The following CMKLR2 variants were observed in gnomAD, a reference collection of about 807,000 sequenced individuals.
CMKLR2 encodes chemerin-like receptor 2.
A neutral mutation model predicts 23.0 loss-of-function variants in CMKLR2; 18 were observed. The ratio of observed to expected loss-of-function variants is 0.78; its 90% CI spans 0.54 to 1.16. CMKLR2 has a LOEUF of 1.16. Among genes scored for constraint, CMKLR2 ranks in the 50% most tolerant of loss-of-function variants. CMKLR2 has a pLI of 0.00. For missense variants in CMKLR2, 401 were observed against 412.7 expected (o/e 0.97, Z 0.25); for synonymous variants, 158 against 158.9 (o/e 0.99, Z 0.05).
intron 1 of CMKLR2, among the ~76,000 whole-genome samples, chr2:206,183,157 A>C (rs1688469150): frequency 6.6e-6 from 1 of 152,110 alleles, no homozygotes; most frequent in Non-Finnish European, 1.5e-5. Flanking sequence ...TCCTTACCTT[A>C]CAGGTGCCTA....
intron 1 of CMKLR2, among the ~76,000 whole-genome samples, chr2:206,183,720 A>G (rs1294153219): frequency 1.3e-5 from 2 of 152,150 alleles, no homozygotes; most frequent in African/African-American, 4.8e-5. Context: ...GGTGAGGGGT[A>G]GGGATAGAGT....
At position 206,176,565 on chromosome 2, in the gene CMKLR2, C is replaced by T. The variant is rs1441120973; in HGVS notation, c.683G>A (p.Cys228Tyr). 2 of 1,614,026 alleles carry T rather than the reference C, an allele frequency of 1.2e-6. No individual in the cohort carries two copies. The highest frequency in any genetic ancestry group is 1.7e-5 in the Admixed American group (1 of 59,996). ...PLLTMSICYL[C>Y]LIFKVKKRSI... ...TCGCTTCTTCACCTTGAAGATGAGA[C>T]ACAAGTAGCAAATACTCATTGTTAG... Residue 228 changes from cysteine (C) to tyrosine (Y), a missense_variant, in exon 2 of 2, where the codon TGT becomes TAT. Cys to Tyr is a radical substitution (Grantham distance 194). Coordinates refer to ENST00000621141, the MANE Select transcript of CMKLR2 (RefSeq NM_001389445.1).
At chr2:206,206,327 T>C (rs923557792) in intron 1 of CMKLR2, among the ~76,000 whole-genome samples, 2 of 152,226 alleles carry the variant, frequency 1.3e-5, no homozygotes, top group African/African-American at 4.8e-5. Flanking sequence ...GAGAGTCACA[T>C]TGGGGGACAA....
chr2:206,178,771 C>T (rs1462388397), intron 1 of CMKLR2, among the ~76,000 whole-genome samples: 1 of 151,932 alleles, frequency 6.6e-6, no homozygotes, highest in Non-Finnish European at 1.5e-5. Flanking sequence ...GTTTGAGCCT[C>T]CTGAGTAGTT....
chr2:206,178,162 G>A (rs1688291590), intron 1 of CMKLR2, among the ~76,000 whole-genome samples: 1 of 152,088 alleles, frequency 6.6e-6, no homozygotes, highest in African/African-American at 2.4e-5. Flanking sequence ...CTACTCAGGA[G>A]GCCAAGGCAA....
chr2:206,180,275 G>A (rs1210678907), intron 1 of CMKLR2, among the ~76,000 whole-genome samples: 1 of 151,412 alleles, frequency 6.6e-6, no homozygotes, highest in African/African-American at 2.4e-5. Context: ...AGGATTGCTT[G>A]AGCCTAAGAG....
intron 1 of CMKLR2, among the ~76,000 whole-genome samples, chr2:206,182,977 G>A (rs560599624): frequency 1.2e-4 from 18 of 151,908 alleles, no homozygotes; most frequent in South Asian, 2.1e-4. Flanking sequence ...CCCTTCCTTC[G>A]TGTGTCCTAT....
chr2:206,178,156 T>A (rs1408634364), intron 1 of CMKLR2, among the ~76,000 whole-genome samples: 1 of 152,092 alleles, frequency 6.6e-6, no homozygotes, highest in Non-Finnish European at 1.5e-5. Context: ...TCCCAACTAC[T>A]CAGGAGGCCA....
intron 1 of CMKLR2, among the ~76,000 whole-genome samples, chr2:206,199,171 C>A (rs1275314303): frequency 6.6e-6 from 1 of 152,142 alleles, no homozygotes; most frequent in Non-Finnish European, 1.5e-5. Context: ...CCCAGGTGGG[C>A]AGATTACTTG....
At chr2:206,186,784 C>T (rs1688592905) in intron 1 of CMKLR2, among the ~76,000 whole-genome samples, 2 of 146,426 alleles carry the variant, frequency 1.4e-5, no homozygotes, top group South Asian at 4.3e-4. Flanking sequence ...TAAGACTCTG[C>T]TGCCTTTTTT....
chr2:206,217,884 C>T (rs1015083609), upstream of CMKLR2: 20 of 152,216 alleles, frequency 1.3e-4, no homozygotes, highest in African/African-American at 4.6e-4. Context: ...TGGGCTCTGT[C>T]TGAATCCTTG....
chr2:206,185,603 T>C (rs1688554101), intron 1 of CMKLR2, among the ~76,000 whole-genome samples: 1 of 152,228 alleles, frequency 6.6e-6, no homozygotes, highest in African/African-American at 2.4e-5. Context: ...ATTTTTGTTA[T>C]AGAAAGATCC....
chr2:206,189,539 G>T (rs1688686135), intron 1 of CMKLR2, among the ~76,000 whole-genome samples: 1 of 152,070 alleles, frequency 6.6e-6, no homozygotes, highest in Non-Finnish European at 1.5e-5. Flanking sequence ...GGAGGCTGAG[G>T]GAGGAGAATT....
intron 1 of CMKLR2, among the ~76,000 whole-genome samples, chr2:206,179,984 A>G (rs928881027): frequency 2.0e-5 from 3 of 152,132 alleles, no homozygotes; most frequent in African/African-American, 7.2e-5. Flanking sequence ...GCAGGGCAAA[A>G]AACAGAAGCA....
chr2:206,196,244 A>C (rs574494638), intron 1 of CMKLR2, among the ~76,000 whole-genome samples: 173 of 151,992 alleles, frequency 1.1e-3, no homozygotes, highest in Non-Finnish European at 2.1e-3. Context: ...GCGTGGTGGC[A>C]CACGCCTGTA....
chr2:206,185,658 G>A (rs1452227171), intron 1 of CMKLR2, among the ~76,000 whole-genome samples: 1 of 152,118 alleles, frequency 6.6e-6, no homozygotes, highest in Admixed American at 6.5e-5. Flanking sequence ...ATAATGGTGG[G>A]GCAAACAAGT....
rs759530133 is a variant in CMKLR2, at chr2:206,176,604, T to C, written c.644A>G (p.Tyr215Cys). Residue 215 changes from tyrosine (Y) to cysteine (C), a missense_variant, in exon 2 of 2, where the codon TAT (tyrosine) becomes TGT (cysteine). Transcript: ENST00000621141. ...VLTWVKFIIGYLFPLLTMSIC... is the reference protein window; with the variant it reads ...VLTWVKFIIGCLFPLLTMSIC... ...ACTCATTGTTAGCAAAGGGAAGAGA[T>C]AGCCAATGATAAATTTCACCCAAGT... The C allele has an allele frequency of 1.2e-6, 2 of 1,614,158 alleles. No homozygotes were observed. Among genetic ancestry groups the C allele is most frequent in the Admixed American group, 1.7e-5 (1 of 60,016 alleles).
chr2:206,183,356 A>C (rs1462901529), intron 1 of CMKLR2, among the ~76,000 whole-genome samples: 2 of 152,066 alleles, frequency 1.3e-5, no homozygotes, highest in Non-Finnish European at 2.9e-5. Flanking sequence ...GTCATTATTG[A>C]CCCTGCTGGG....
chr2:206,204,341 G>A (rs1348253248), intron 1 of CMKLR2, among the ~76,000 whole-genome samples: 1 of 127,768 alleles, frequency 7.8e-6, no homozygotes, highest in Non-Finnish European at 1.6e-5. Context: ...GCGACAGAGC[G>A]AGACTCCATC....
Sources: allele counts gnomAD v4.1 joint callset (sites outside exome capture counted in the v4.1 genomes callset), GRCh38; gene constraint gnomAD v4.1.1; transcripts MANE v1.5; gene names NCBI Gene and HGNC (gene_info 2026-07-23, HGNC 2026-07-21).